Variants in CNTNAP2 observed in about 807,000 individuals in gnomAD.
CNTNAP2 encodes the protein contactin associated protein 2, also known as contactin-associated protein-like 2.
A neutral mutation model predicts 155.2 loss-of-function variants in CNTNAP2; 98 were observed. That is an observed-to-expected ratio of 0.63 (90% confidence interval 0.54 to 0.75). The LOEUF is 0.75. Ranked by LOEUF, CNTNAP2 falls within the 30% of genes least tolerant of loss-of-function variation. CNTNAP2 has a pLI of 0.00. For synonymous variants in CNTNAP2, 651 were observed against 631.2 expected (o/e 1.03, Z -0.47); for missense variants, 1,727 against 1,688.1 (o/e 1.02, Z -0.40).
chr7:148,081,501 C>G (rs145652283), intron 15 of CNTNAP2, among the ~76,000 whole-genome samples: 344 of 152,182 alleles, frequency 2.3e-3, no homozygotes, highest in African/African-American at 8.0e-3. Context: ...CCCAGCCTAC[C>G]TCTTTCTCCC....
At chr7:147,474,538 G>A (rs576630805) in intron 10 of CNTNAP2, among the ~76,000 whole-genome samples, 13 of 151,874 alleles carry the variant, frequency 8.6e-5, no homozygotes, top group Non-Finnish European at 1.5e-4. Flanking sequence ...AGCTGAGATC[G>A]CACCATTGCA....
chr7:147,488,554 T>TAA (rs1563224363), intron 11 of CNTNAP2, among the ~76,000 whole-genome samples: 1 of 123,524 alleles, frequency 8.1e-6, no homozygotes, highest in African/African-American at 3.3e-5. Flanking sequence ...GTATTTTTTT[T>TAA]TAAAAAAAGC....
chr7:146,613,107 G>C lies in CNTNAP2; in HGVS notation c.98-161164G>C, dbSNP rs540848337. Among the ~76,000 whole-genome samples the C allele has an allele frequency of 1.1e-4, 16 of 152,222 alleles. No homozygotes were observed. The South Asian group carries it at 3.3e-3, about 32-fold the overall frequency. On this transcript the variant is annotated intron_variant, in intron 1 of 23. Transcript: ENST00000361727. The stretch of plus-strand genomic sequence containing the variant: ...ATCTATAGATTTGTTTACTCAAGGA[G>C]CTCTATGAGAAGTGTCAGGCATTTG...
chr7:146,178,113 A>C (rs770812999), intron 1 of CNTNAP2, among the ~76,000 whole-genome samples: 9 of 152,086 alleles, frequency 5.9e-5, no homozygotes, highest in Non-Finnish European at 1.0e-4. Flanking sequence ...GGCTCACTGC[A>C]AGCTCCACCT....
chr7:148,140,344 A>G (rs1222921250), intron 16 of CNTNAP2, among the ~76,000 whole-genome samples: 1 of 152,054 alleles, frequency 6.6e-6, no homozygotes, highest in African/African-American at 2.4e-5. Context: ...AGGCTGGAGA[A>G]TATAAGCCAA....
intron 1 of CNTNAP2, among the ~76,000 whole-genome samples, chr7:146,159,174 A>G (rs1798177057): frequency 6.6e-6 from 1 of 152,210 alleles, no homozygotes; most frequent in Non-Finnish European, 1.5e-5. Context: ...AAAATCCTTT[A>G]CAGACAAAGA....
chr7:147,309,570 A>G (rs1795086322), intron 9 of CNTNAP2, among the ~76,000 whole-genome samples: 1 of 152,000 alleles, frequency 6.6e-6, no homozygotes, highest in Non-Finnish European at 1.5e-5. Flanking sequence ...CTTTTTTCGT[A>G]GAGGAGTTTG....
chr7:147,243,218 G>C (rs182705639), intron 8 of CNTNAP2, among the ~76,000 whole-genome samples: 1 of 151,716 alleles, frequency 6.6e-6, no homozygotes, highest in East Asian at 1.9e-4. Context: ...GGCTGGTCTC[G>C]ATCTCCTGAC....
At chr7:148,078,869 A>G (rs1011178485) in intron 15 of CNTNAP2, among the ~76,000 whole-genome samples, 1 of 152,248 alleles carries the variant, frequency 6.6e-6, no homozygotes, top group Admixed American at 6.5e-5. Flanking sequence ...TGAAATCTAG[A>G]TTTTAAAACA....
At chr7:147,094,569 T>A (rs11772252) in intron 4 of CNTNAP2, among the ~76,000 whole-genome samples, 54,373 of 129,160 alleles carry the variant, frequency 0.42, 12,199 homozygotes, top group Non-Finnish European at 0.49. Flanking sequence ...GCCTGGCTAT[T>A]TTTTTTTTTT....
At chr7:147,128,523 C>T (rs1801283413) in intron 6 of CNTNAP2, among the ~76,000 whole-genome samples, 170 bp from the exon 7 acceptor site, 1 of 152,108 alleles carries the variant, frequency 6.6e-6, no homozygotes, top group African/African-American at 2.4e-5. Flanking sequence ...CTCCATTAGA[C>T]ACTTCAACAA....
chr7:146,672,395 G>C (rs1432644821), intron 1 of CNTNAP2, among the ~76,000 whole-genome samples: 1 of 152,184 alleles, frequency 6.6e-6, no homozygotes, highest in Non-Finnish European at 1.5e-5. Flanking sequence ...ACAGCTCCAA[G>C]GGTGAGAACG....
chr7:146,875,064 G>T (rs895583592), intron 3 of CNTNAP2, among the ~76,000 whole-genome samples: 2 of 152,014 alleles, frequency 1.3e-5, no homozygotes, highest in Non-Finnish European at 2.9e-5. Context: ...ACATTTATTT[G>T]CATTATAAGT....
intron 1 of CNTNAP2, among the ~76,000 whole-genome samples, chr7:146,291,700 C>T (rs1481918741): frequency 1.3e-5 from 2 of 152,044 alleles, no homozygotes; most frequent in Admixed American, 6.6e-5. Flanking sequence ...ATTATTTTCT[C>T]ATTATAAAAA....
At chr7:146,287,538 C>T (rs898777228) in intron 1 of CNTNAP2, among the ~76,000 whole-genome samples, 2 of 152,140 alleles carry the variant, frequency 1.3e-5, no homozygotes, top group Admixed American at 6.5e-5. Flanking sequence ...TTCTTACCTC[C>T]ATGTTGACCT....
intron 9 of CNTNAP2, 101 bp downstream of exon 9, chr7:147,300,391 A>G: frequency 7.6e-7 from 1 of 1,315,194 alleles, no homozygotes; most frequent in Non-Finnish European, 1.0e-6. Flanking sequence ...CAACTGACTC[A>G]GTAGATCTCA....
intron 1 of CNTNAP2, among the ~76,000 whole-genome samples, chr7:146,721,226 A>ATT (rs1301035574): frequency 7.6e-6 from 1 of 132,160 alleles, no homozygotes; most frequent in Non-Finnish European, 1.5e-5. Flanking sequence ...CTCTATATAT[A>ATT]TTCTCTATAT....
At chr7:148,392,364 G>A (rs1187633921) in intron 22 of CNTNAP2, among the ~76,000 whole-genome samples, 32 of 152,128 alleles carry the variant, frequency 2.1e-4, no homozygotes, top group Non-Finnish European at 8.8e-5. Flanking sequence ...GAGCCACTGC[G>A]CCTGGCCACA....
intron 3 of CNTNAP2, among the ~76,000 whole-genome samples, chr7:146,936,927 T>C (rs1472183061): frequency 2.6e-5 from 4 of 152,230 alleles, no homozygotes; most frequent in Non-Finnish European, 4.4e-5. Flanking sequence ...AAGGTTTCAT[T>C]GCTTCACTAA....
Sources: allele counts gnomAD v4.1 joint callset (sites outside exome capture counted in the v4.1 genomes callset), GRCh38; gene constraint gnomAD v4.1.1; transcripts MANE v1.5; gene names NCBI Gene and HGNC (gene_info 2026-07-23, HGNC 2026-07-21).